The following ADAMTSL3 variants were observed in gnomAD, a reference collection of about 807,000 sequenced individuals.
The protein encoded by ADAMTSL3 is ADAMTS-like protein 3.
In ADAMTSL3, 128 loss-of-function variants were observed where a neutral mutation model predicts 201.7. The observed-to-expected ratio is 0.63, with a 90% CI of 0.55 to 0.73. The LOEUF (loss-of-function observed/expected upper bound fraction) is 0.73. ADAMTSL3 is among the 30% of genes least tolerant of loss of function. ADAMTSL3 has a pLI of 0.00. For synonymous variants in ADAMTSL3, 738 were observed against 748.4 expected (o/e 0.99, Z 0.23); for missense variants, 1,990 against 2,119.6 (o/e 0.94, Z 1.20).
At chr15:83,710,666 A>G (rs927165773) in intron 3 of ADAMTSL3, among the ~76,000 whole-genome samples, 2 of 152,172 alleles carry the variant, frequency 1.3e-5, no homozygotes, top group African/African-American at 4.8e-5. Flanking sequence ...CCTTCCTGGG[A>G]TGTCATTGGC....
At chr15:83,735,284 T>C (rs2062352944) in intron 3 of ADAMTSL3, among the ~76,000 whole-genome samples, 1 of 152,136 alleles carries the variant, frequency 6.6e-6, no homozygotes, top group Admixed American at 6.5e-5. Context: ...TGATCTGAGC[T>C]TTCTAGCAGC....
At chr15:83,749,963 A>G (rs1230116661) in intron 3 of ADAMTSL3, among the ~76,000 whole-genome samples, 2 of 152,156 alleles carry the variant, frequency 1.3e-5, no homozygotes, top group African/African-American at 4.8e-5. Flanking sequence ...CCTTAAAGTG[A>G]TCTGTTCGTT....
chr15:83,859,282 G>T (rs1047148482), intron 8 of ADAMTSL3, among the ~76,000 whole-genome samples: 2 of 152,224 alleles, frequency 1.3e-5, no homozygotes, highest in African/African-American at 4.8e-5. Context: ...AATTGGTTAA[G>T]AGAGGGAAGT....
rs1248051199 is a variant in ADAMTSL3 at position 83,773,746 on chromosome 15, C to G, written c.317+96C>G. ...TAACTTTATATGGCTTTGGAATGTA[C>G]TGTGATGATGGTGTAACGTTTGCTT... On this transcript the variant is annotated intron_variant, in intron 4 of 29. Transcript: ENST00000286744. 6.3e-6 allele frequency: 9 copies of G among 1,419,012 alleles called. No homozygotes were observed. In the African/African-American group the frequency reaches 1.0e-4, roughly 16 times the overall value. 87.9% of individuals were successfully genotyped at this position (1,419,012 alleles called of 1,614,324 possible).
At chr15:83,830,259 G>T (rs1328104660) in intron 6 of ADAMTSL3, among the ~76,000 whole-genome samples, 2 of 152,138 alleles carry the variant, frequency 1.3e-5, no homozygotes, top group African/African-American at 2.4e-5. Context: ...TAGATCTGGG[G>T]CTCTCACATG....
At chr15:83,883,929 G>A (rs1179188600) in intron 9 of ADAMTSL3, among the ~76,000 whole-genome samples, 1 of 146,794 alleles carries the variant, frequency 6.8e-6, no homozygotes, top group African/African-American at 2.5e-5. Flanking sequence ...TTTCACTTTT[G>A]TTGCCCCGGC....
At chr15:83,996,780 CAAAAAAAA>C (rs35758954) in intron 23 of ADAMTSL3, among the ~76,000 whole-genome samples, 2 of 33,838 alleles carry the variant, frequency 5.9e-5, no homozygotes, top group Middle Eastern at 0.013. Context: ...GACTCTGCCT[CAAAAAAAA>C]AAAAAAAAAA....
chr15:83,716,771 G>C (rs2141558748), intron 3 of ADAMTSL3, among the ~76,000 whole-genome samples: 1 of 152,188 alleles, frequency 6.6e-6, no homozygotes, highest in East Asian at 1.9e-4. Flanking sequence ...CTGGCTGCTT[G>C]CTTCCAATTC....
Position 83,923,944 on chromosome 15 carries a change from C to A in ADAMTSL3, c.2028C>A (p.Thr676=), listed in dbSNP as rs1395232092. The A allele has an allele frequency of 3.7e-6, 6 of 1,614,128 alleles. No individual in the cohort carries two copies. Among genetic ancestry groups the A allele is most frequent in the Non-Finnish European group, 5.1e-6 (6 of 1,179,994 alleles). The part of the protein sequence containing the change: ...EAIAVCLHIQ[T]QQTVNDSLCD... Reference sequence around the variant, plus strand: ...TAGCAGTGTGCTTACATATCCAGACCCAGCAGACAGTCAATGACAGCTTGT... The same window carrying A: ...TAGCAGTGTGCTTACATATCCAGACACAGCAGACAGTCAATGACAGCTTGT... Residue 676 remains threonine, a synonymous_variant, in exon 17 of 30, where the codon ACC becomes ACA. Coordinates refer to ENST00000286744, the MANE Select transcript of ADAMTSL3 (RefSeq NM_207517.3).
intron 6 of ADAMTSL3, among the ~76,000 whole-genome samples, chr15:83,834,013 G>A (rs2064211495): frequency 1.3e-5 from 2 of 152,132 alleles, no homozygotes; most frequent in South Asian, 2.1e-4. Flanking sequence ...TTATAGTCCT[G>A]TATAGTATAG....
rs1203409451 is a variant in ADAMTSL3, at chr15:83,825,223, T to C, written c.600+5176T>C. On this transcript the variant is annotated intron_variant, in intron 6 of 29. Coordinates refer to ENST00000286744, the MANE Select transcript of ADAMTSL3 (RefSeq NM_207517.3). ...AGGTTTGGGCTCTTTGACCAAATGA[T>C]AATAGTAATCCTTCTCAGTGGGATT... Among the ~76,000 whole-genome samples the C allele has an allele frequency of 2.6e-5, 4 of 152,372 alleles. No homozygotes were observed. In the East Asian group the frequency reaches 5.8e-4, roughly 22 times the overall value.
intron 17 of ADAMTSL3, among the ~76,000 whole-genome samples, chr15:83,927,125 T>C (rs1344750043): frequency 1.3e-5 from 2 of 151,808 alleles, no homozygotes; most frequent in South Asian, 2.1e-4. Flanking sequence ...TTCTTTCTTT[T>C]TTTTTTTTTG....
chr15:83,993,764 T>G (rs552900149), intron 23 of ADAMTSL3, among the ~76,000 whole-genome samples: 1 of 152,312 alleles, frequency 6.6e-6, no homozygotes, highest in South Asian at 2.1e-4. Flanking sequence ...AAAAAAAAGT[T>G]TTTTTCTGTC....
intron 3 of ADAMTSL3, among the ~76,000 whole-genome samples, chr15:83,760,354 A>G (rs941112246): frequency 1.3e-5 from 2 of 152,250 alleles, no homozygotes; most frequent in East Asian, 1.9e-4. Context: ...CTTTGTTGTC[A>G]GAGAAAAAAC....
intron 3 of ADAMTSL3, among the ~76,000 whole-genome samples, chr15:83,736,254 A>G (rs2062367996): frequency 6.6e-6 from 1 of 152,226 alleles, no homozygotes; most frequent in African/African-American, 2.4e-5. Flanking sequence ...CAATGATTAA[A>G]TAATTATAAT....
chr15:83,976,495 T>A (rs2067291205), intron 20 of ADAMTSL3, among the ~76,000 whole-genome samples: 1 of 152,048 alleles, frequency 6.6e-6, no homozygotes, highest in African/African-American at 2.4e-5. Context: ...TACATTGTAA[T>A]GTGTAATGGA....
chr15:83,936,916 C>G (rs1180221709), intron 17 of ADAMTSL3, among the ~76,000 whole-genome samples: 1 of 150,918 alleles, frequency 6.6e-6, no homozygotes, highest in Non-Finnish European at 1.5e-5. Context: ...AAAACATGCT[C>G]AACATCACTA....
chr15:83,825,470 G>C (rs1170256878), intron 6 of ADAMTSL3, among the ~76,000 whole-genome samples: 6 of 151,970 alleles, frequency 3.9e-5, no homozygotes, highest in Middle Eastern at 3.2e-3. Flanking sequence ...AAAATTAGCT[G>C]GGTGTGTTGG....
At chr15:83,923,600 T>C (rs932031317) in intron 16 of ADAMTSL3, among the ~76,000 whole-genome samples, 2 of 152,198 alleles carry the variant, frequency 1.3e-5, no homozygotes, top group Non-Finnish European at 2.9e-5. Context: ...ACATTTGGAA[T>C]GCAGATAAGT....
Sources: gnomAD v4.1 joint callset for allele counts (sites outside exome capture counted in the v4.1 genomes callset) on GRCh38, gnomAD v4.1.1 for gene constraint, MANE v1.5 for transcripts, NCBI Gene and HGNC (gene_info 2026-07-23, HGNC 2026-07-21) for gene names.